PLXNA4: variants seen among roughly 807,000 people sequenced by gnomAD.
The protein encoded by PLXNA4 is plexin-A4.
Under a neutral mutation model 191.8 loss-of-function variants are expected in PLXNA4, and 44 were observed. The ratio of observed to expected loss-of-function variants is 0.23; its 90% CI spans 0.18 to 0.29. The LOEUF (loss-of-function observed/expected upper bound fraction) is 0.29. Among genes scored for constraint, PLXNA4 ranks in the 10% least tolerant of loss-of-function variants. The pLI, the probability that PLXNA4 is intolerant of heterozygous loss-of-function variation, is 1.00. For missense variants in PLXNA4, 1,800 were observed against 2,488.8 expected (o/e 0.72, Z 5.89); for synonymous variants, 1,082 against 1,009.5 (o/e 1.07, Z -1.36).
At chr7:132,401,235 G>A (rs572274953) in intron 3 of PLXNA4, among the ~76,000 whole-genome samples, 1 of 152,324 alleles carries the variant, frequency 6.6e-6, no homozygotes, top group East Asian at 1.9e-4. Context: ...CCACGTGGAG[G>A]GGAGAACTGA....
intron 2 of PLXNA4, among the ~76,000 whole-genome samples, chr7:132,494,645 A>G (rs1487078430): frequency 6.6e-6 from 1 of 152,158 alleles, no homozygotes; most frequent in African/African-American, 2.4e-5. Context: ...ACAATCTAAT[A>G]GCTTATGGCG....
intron 25 of PLXNA4, among the ~76,000 whole-genome samples, 171 bp from the exon 26 acceptor site, chr7:132,148,817 C>T (rs926954637): frequency 1.3e-5 from 2 of 152,208 alleles, no homozygotes; most frequent in Non-Finnish European, 1.5e-5. Flanking sequence ...CAGAGAGGCC[C>T]TGAGTTCCAG....
chr7:132,123,404 C>T lies in PLXNA4; in HGVS notation c.*7075G>A, dbSNP rs986987693. Reference sequence around the variant, plus strand: ...ACAAATAAGTTTTTTTTGTTCTGAACTGCAAAATAGGAATGCCTTATATTT... The same window carrying T: ...ACAAATAAGTTTTTTTTGTTCTGAATTGCAAAATAGGAATGCCTTATATTT... On this transcript the variant is annotated 3_prime_UTR_variant, in exon 32 of 32. Coordinates refer to ENST00000321063, the MANE Select transcript of PLXNA4 (RefSeq NM_020911.2). The T allele has an allele frequency of 2.0e-5, 3 of 152,030 alleles. No individual in the cohort carries two copies. The highest frequency in any genetic ancestry group is 4.8e-5 in the African/African-American group (2 of 41,392). The allele number at this position is 152,030 out of a possible 1,614,324, so 9.4% of individuals were successfully genotyped here.
intron 8 of PLXNA4, among the ~76,000 whole-genome samples, chr7:132,224,004 G>A (rs1254250652): frequency 1.3e-5 from 2 of 152,140 alleles, no homozygotes; most frequent in African/African-American, 4.8e-5. Context: ...GATTAGGTTT[G>A]TATGCAAATT....
chr7:132,620,643 A>T (rs1272537159), intron 2 of PLXNA4, among the ~76,000 whole-genome samples: 2 of 152,002 alleles, frequency 1.3e-5, no homozygotes, highest in East Asian at 3.8e-4. Flanking sequence ...ACTTAGAGAG[A>T]TTTGTAGTTT....
At chr7:132,626,772 T>C (rs942272171) in intron 2 of PLXNA4, among the ~76,000 whole-genome samples, 1 of 152,188 alleles carries the variant, frequency 6.6e-6, no homozygotes, top group African/African-American at 2.4e-5. Context: ...CAATCCCTAA[T>C]GGGATTGCTT....
intron 3 of PLXNA4, among the ~76,000 whole-genome samples, chr7:132,414,034 C>T (rs1259542827): frequency 6.6e-6 from 1 of 152,238 alleles, no homozygotes; most frequent in Admixed American, 6.5e-5. Flanking sequence ...CGGGCCTAGA[C>T]ACGACTACAC....
At chr7:132,342,184 A>G (rs1803055924) in intron 3 of PLXNA4, among the ~76,000 whole-genome samples, 1 of 150,826 alleles carries the variant, frequency 6.6e-6, no homozygotes, top group Admixed American at 6.7e-5. Flanking sequence ...TCCTGCTGTT[A>G]GGGAATTTAT....
intron 29 of PLXNA4, among the ~76,000 whole-genome samples, chr7:132,143,002 T>C (rs191269328): frequency 1.3e-5 from 2 of 152,242 alleles, no homozygotes; most frequent in African/African-American, 4.8e-5. Flanking sequence ...ATTAGCATAT[T>C]ATTAACATTA....
intron 3 of PLXNA4, among the ~76,000 whole-genome samples, chr7:132,470,114 A>G (rs1334898117): frequency 6.6e-6 from 1 of 152,238 alleles, no homozygotes; most frequent in East Asian, 1.9e-4. Context: ...AAGCTCTTCC[A>G]AAACCAAGGG....
rs1584994656 is a variant in PLXNA4 at position 132,325,953 on chromosome 7, T to C, written c.1372-27731A>G. ...TCCTACCCACTGTCCAGACCTTGTATGATCCTTAATCCTACGTGTCAACCT... is the reference window on the plus strand; with the variant it reads ...TCCTACCCACTGTCCAGACCTTGTACGATCCTTAATCCTACGTGTCAACCT... On this transcript the variant is annotated intron_variant, in intron 3 of 31. Transcript: ENST00000321063. Among the ~76,000 whole-genome samples, 4 of 152,318 alleles carry C rather than the reference T, an allele frequency of 2.6e-5. 1 individual carries two copies.
chr7:132,354,563 A>T (rs959293251), intron 3 of PLXNA4, among the ~76,000 whole-genome samples: 2 of 152,208 alleles, frequency 1.3e-5, no homozygotes, highest in African/African-American at 2.4e-5. Flanking sequence ...TCACTGGAGT[A>T]GGGGCAGGCT....
intron 22 of PLXNA4, among the ~76,000 whole-genome samples, chr7:132,165,930 G>A (rs1223321814): frequency 1.3e-5 from 2 of 152,172 alleles, no homozygotes; most frequent in Non-Finnish European, 2.9e-5. Context: ...TGGGCACGGT[G>A]GCTCTTGCCT....
intron 1 of PLXNA4, among the ~76,000 whole-genome samples, chr7:132,525,900 C>T (rs1799382414): frequency 6.6e-6 from 1 of 152,200 alleles, no homozygotes; most frequent in Admixed American, 6.5e-5. Flanking sequence ...TAAGCAAACC[C>T]ATGGAAGGTT....
chr7:132,409,091 T>C (rs780801387), intron 3 of PLXNA4, among the ~76,000 whole-genome samples: 1 of 152,158 alleles, frequency 6.6e-6, no homozygotes, highest in Non-Finnish European at 1.5e-5. Flanking sequence ...ATGCAGCTGT[T>C]CTTTTACAGT....
At chr7:132,217,064 A>G (rs1797986248) in intron 9 of PLXNA4, among the ~76,000 whole-genome samples, 1 of 152,212 alleles carries the variant, frequency 6.6e-6, no homozygotes, top group South Asian at 2.1e-4. Context: ...CTCGAGGCAC[A>G]AGCACACCTT....
intron 1 of PLXNA4, among the ~76,000 whole-genome samples, chr7:132,532,118 C>T (rs564684906): frequency 6.6e-6 from 1 of 152,304 alleles, no homozygotes; most frequent in South Asian, 2.1e-4. Flanking sequence ...TCCCTTAAAG[C>T]CAACACAGGT....
At chr7:132,133,286 C>T (rs1334591218) in intron 30 of PLXNA4, 87 bp from the exon 31 acceptor site, 3 of 1,547,264 alleles carry the variant, frequency 1.9e-6, no homozygotes, top group African/African-American at 2.7e-5. Context: ...TGTCTGGGGC[C>T]ATGAGCTCAG....
chr7:132,579,037 A>G (rs148283189), upstream of PLXNA4, among the ~76,000 whole-genome samples: 7 of 152,316 alleles, frequency 4.6e-5, no homozygotes, highest in East Asian at 1.4e-3. Flanking sequence ...GATTAGCACA[A>G]GGCCAGCCGG....
Sources: gnomAD v4.1 joint callset for allele counts (sites outside exome capture counted in the v4.1 genomes callset) on GRCh38, gnomAD v4.1.1 for gene constraint, MANE v1.5 for transcripts, NCBI Gene and HGNC (gene_info 2026-07-23, HGNC 2026-07-21) for gene names.